LRP11: variants seen among roughly 807,000 people sequenced by gnomAD.
The protein encoded by LRP11 is low-density lipoprotein receptor-related protein 11.
A neutral mutation model predicts 43.1 loss-of-function variants in LRP11; 25 were observed. That is an observed-to-expected ratio of 0.58 (90% confidence interval 0.42 to 0.81). LRP11 has a LOEUF of 0.81. LRP11 is among the 30% of genes least tolerant of loss of function. LRP11 has a pLI of 0.00. For missense variants in LRP11, 623 were observed against 665.1 expected (o/e 0.94, Z 0.70); for synonymous variants, 316 against 299.4 (o/e 1.06, Z -0.57).
chr6:149,829,985 TA>T (rs1776387123), intron 5 of LRP11, among the ~76,000 whole-genome samples: 1 of 151,580 alleles, frequency 6.6e-6, no homozygotes, highest in South Asian at 2.1e-4. Context: ...TTTGTAGCCA[TA>T]TTATGAGAGA....
intron 2 of LRP11, among the ~76,000 whole-genome samples, chr6:149,846,953 T>TAAAAGAATAGAATAG: frequency 7.6e-6 from 1 of 131,518 alleles, no homozygotes; most frequent in East Asian, 2.2e-4. Context: ...TAAAATAAAA[T>TAAAAGAATAGAATAG]AATAGAATAG....
chr6:149,835,996 T>TA, intron 5 of LRP11, 89 bp downstream of exon 5: 1 of 1,208,042 alleles, frequency 8.3e-7, no homozygotes, highest in South Asian at 1.3e-5. Context: ...GATACTTCCT[T>TA]AACACTCTTC....
intron 1 of LRP11, among the ~76,000 whole-genome samples, chr6:149,855,487 C>T (rs144930840): frequency 6.6e-6 from 1 of 152,264 alleles, no homozygotes; most frequent in East Asian, 1.9e-4. Context: ...TTGAGTTGGT[C>T]TGGTGAGTCA....
chr6:149,864,173 T>A lies in LRP11; in HGVS notation c.-153A>T. ...GCGCGGCGCCCCCGAACCCGGCTGC[T>A]CCCCCGAGGTCGCGGGCGCCGGCGG... On this transcript the variant is annotated 5_prime_UTR_variant, in exon 1 of 7. Coordinates refer to ENST00000239367, the MANE Select transcript of LRP11 (RefSeq NM_032832.6). The A allele has an allele frequency of 8.8e-7, 1 of 1,136,154 alleles. No individual in the cohort carries two copies. Among genetic ancestry groups the A allele is most frequent in the Non-Finnish European group, 1.1e-6 (1 of 927,710 alleles). 70.4% of individuals were successfully genotyped at this position (1,136,154 alleles called of 1,614,324 possible). A position where few individuals can be genotyped will look rare whatever the true frequency, so the allele number is the denominator to read the frequency against.
intron 6 of LRP11, among the ~76,000 whole-genome samples, chr6:149,821,925 AC>A (rs1164241568): frequency 1.2e-4 from 19 of 152,098 alleles, no homozygotes; most frequent in South Asian, 4.2e-4. Context: ...AATAAATACC[AC>A]CCCCCTCAAG....
At chr6:149,823,325 TCA>T (rs750270083) in intron 6 of LRP11, among the ~76,000 whole-genome samples, 2 of 152,066 alleles carry the variant, frequency 1.3e-5, no homozygotes, top group Non-Finnish European at 2.9e-5. Flanking sequence ...CTGAACATGA[TCA>T]CAGTCAGGAG....
At chr6:149,847,471 T>G (rs1056032874) in intron 2 of LRP11, among the ~76,000 whole-genome samples, 1 of 152,238 alleles carries the variant, frequency 6.6e-6, no homozygotes, top group Non-Finnish European at 1.5e-5. Context: ...ACACGGATGC[T>G]TTCCCTTTAA....
rs1383028428 is a variant in LRP11, at chr6:149,844,514, G to A, written c.772-1390C>T. Among the ~76,000 whole-genome samples the A allele has an allele frequency of 2.0e-5, 3 of 152,172 alleles. 1 individual carries two copies. The highest frequency in any genetic ancestry group is 4.1e-4 in the South Asian group (2 of 4,830). On this transcript the variant is annotated intron_variant, in intron 2 of 6. Transcript: ENST00000239367. ...ACAGCTTCTGAAGCTCAGCTCTGTGGTAGGATTTTGGGAGTCACTGCTGGA... is the reference window on the plus strand; with the variant it reads ...ACAGCTTCTGAAGCTCAGCTCTGTGATAGGATTTTGGGAGTCACTGCTGGA...
intron 2 of LRP11, among the ~76,000 whole-genome samples, chr6:149,844,064 C>G (rs1046356670): frequency 6.6e-6 from 1 of 152,092 alleles, no homozygotes; most frequent in Non-Finnish European, 1.5e-5. Flanking sequence ...ACCATCTTGG[C>G]CAACATGGTG....
At position 149,863,583 on chromosome 6, in the gene LRP11, C is replaced by T; in HGVS notation, c.438G>A (p.Glu146=). 3 of 1,419,288 alleles carry T rather than the reference C, an allele frequency of 2.1e-6. No homozygotes were observed. The highest frequency in any genetic ancestry group is 3.1e-5 in the East Asian group (1 of 32,254). 87.9% of individuals were successfully genotyped at this position (1,419,288 alleles called of 1,614,324 possible). A position where few individuals can be genotyped will look rare whatever the true frequency, so the allele number is the denominator to read the frequency against. ...SEPRCSVAVV[E]LPRRPAPPAA... The stretch of plus-strand genomic sequence containing the variant: ...CCGGGGGCGCGGGGCGCCGGGGCAG[C>T]TCCACCACGGCCACGGAGCAGCGCG... Residue 146 remains glutamate, a synonymous_variant, in exon 1 of 7, where the codon GAG becomes GAA. Coordinates refer to ENST00000239367, the MANE Select transcript of LRP11 (RefSeq NM_032832.6).
intron 5 of LRP11, among the ~76,000 whole-genome samples, chr6:149,829,902 A>G (rs1776386251): frequency 1.3e-5 from 2 of 152,150 alleles, no homozygotes; most frequent in Admixed American, 6.5e-5. Context: ...TGAATGTTCT[A>G]GCAAAAATTC....
chr6:149,829,771 A>C (rs1035327146), intron 5 of LRP11, among the ~76,000 whole-genome samples: 1 of 151,892 alleles, frequency 6.6e-6, no homozygotes, highest in Non-Finnish European at 1.5e-5. Flanking sequence ...TGCTCATCTT[A>C]ATTCTTAAAG....
chr6:149,846,429 T>C (rs1042391773), intron 2 of LRP11, among the ~76,000 whole-genome samples: 3 of 152,214 alleles, frequency 2.0e-5, no homozygotes, highest in African/African-American at 7.2e-5. Context: ...AAAGCTGCTC[T>C]GTCCCAGCTG....
intron 1 of LRP11, among the ~76,000 whole-genome samples, chr6:149,862,577 C>CCTTTTTTTTTTTTTTTTTTTTTTTTTTT (rs57368910): frequency 7.9e-6 from 1 of 126,206 alleles, no homozygotes. Flanking sequence ...TTTTCTTTTC[C>CCTTTTTTTTTTTTTTTTTTTTTTTTTTT]TTTTTTTTTT....
At chr6:149,843,236 C>T (rs1188870955) in intron 2 of LRP11, 112 bp from the exon 3 acceptor site, 5 of 1,191,994 alleles carry the variant, frequency 4.2e-6, no homozygotes. Context: ...CCTGCCTCTG[C>T]ACTCCGGCCC....
At chr6:149,835,550 G>T (rs1776460214) in intron 5 of LRP11, among the ~76,000 whole-genome samples, 1 of 152,182 alleles carries the variant, frequency 6.6e-6, no homozygotes, top group Non-Finnish European at 1.5e-5. Context: ...TGAGGCTGCA[G>T]TGAGCTGTGA....
At chr6:149,824,690 T>A (rs960770397) in intron 6 of LRP11, among the ~76,000 whole-genome samples, 1 of 151,910 alleles carries the variant, frequency 6.6e-6, no homozygotes, top group Non-Finnish European at 1.5e-5. Context: ...CAAAACCCCA[T>A]CTCTGCTAAA....
At chr6:149,859,396 A>ATATATATATTTT in intron 1 of LRP11, among the ~76,000 whole-genome samples, 37 of 71,484 alleles carry the variant, frequency 5.2e-4, no homozygotes, top group African/African-American at 2.0e-3. Context: ...ATATATATAT[A>ATATATATATTTT]TTTTTTTTTT....
chr6:149,824,940 T>C (rs921493743), intron 6 of LRP11, among the ~76,000 whole-genome samples: 1 of 152,034 alleles, frequency 6.6e-6, no homozygotes, highest in African/African-American at 2.4e-5. Context: ...TGGATACATA[T>C]GTGTGGGGAG....
Sources: allele counts gnomAD v4.1 joint callset (sites outside exome capture counted in the v4.1 genomes callset), GRCh38; gene constraint gnomAD v4.1.1; transcripts MANE v1.5; gene names NCBI Gene and HGNC (gene_info 2026-07-23, HGNC 2026-07-21).